VWF: variants seen among roughly 807,000 people sequenced by gnomAD.
VWF encodes Factor VIII related antigen.
Under a neutral mutation model 308.6 loss-of-function variants are expected in VWF, and 176 were observed. That is an observed-to-expected ratio of 0.57 (90% CI 0.50 to 0.65). VWF has a LOEUF of 0.65. VWF is among the 30% of genes least tolerant of loss of function. The pLI, the probability that VWF is intolerant of heterozygous loss-of-function variation, is 0.00. For missense variants in VWF, 3,146 were observed against 3,648.2 expected (o/e 0.86, Z 3.55); for synonymous variants, 1,385 against 1,443.4 (o/e 0.96, Z 0.92).
chr12:5,980,907 C>T (rs929054387), intron 42 of VWF, among the ~76,000 whole-genome samples: 1 of 152,212 alleles, frequency 6.6e-6, no homozygotes, highest in East Asian at 1.9e-4. Context: ...CCGCCACTTT[C>T]GCGCCCTTCA....
rs1944173321 is a variant in VWF, at chr12:6,024,940, T to C, written c.3222+640A>G. Among the ~76,000 whole-genome samples the C allele has an allele frequency of 6.6e-6, 1 of 151,726 alleles. No homozygotes were observed. Among genetic ancestry groups the C allele is most frequent in the Non-Finnish European group, 1.5e-5 (1 of 67,984 alleles). ...CGGGAGGTTGAGGCAGGAGAATCGC[T>C]TGAGCCCAGGAGGCAGAGGCTGCAC... On this transcript the variant is annotated intron_variant, in intron 24 of 51. Transcript: ENST00000261405. This position sits in a 1 kb window ranked among gnomAD's most constrained non-coding sequence, Gnocchi z 4.0.
rs1944067501 is a variant in VWF, at chr12:6,016,890, G to A, written c.5054-20C>T. On this transcript the variant is annotated intron_variant, in intron 28 of 51. Coordinates refer to ENST00000261405, the MANE Select transcript of VWF (RefSeq NM_000552.5). The stretch of plus-strand genomic sequence containing the variant: ...TGCAGTCTGCAAAGACAACCAGGAA[G>A]GTGAGCACACAGGTGCCAGCAGGGA... 2 of 1,612,512 alleles carry A rather than the reference G, an allele frequency of 1.2e-6. No homozygotes were observed. The highest frequency in any genetic ancestry group is 1.1e-5 in the South Asian group (1 of 91,030).
intron 6 of VWF, among the ~76,000 whole-genome samples, chr12:6,092,614 T>TGAGTGAGTGAGTGAGAGA (rs71064187): frequency 2.3e-5 from 2 of 86,056 alleles, no homozygotes; most frequent in South Asian, 3.8e-4. Flanking sequence ...AGTGAGTGAG[T>TGAGTGAGTGAGTGAGAGA]GAGAGTGTGT....
At chr12:6,091,913 A>G (rs1200582001) in intron 6 of VWF, among the ~76,000 whole-genome samples, 2 of 152,022 alleles carry the variant, frequency 1.3e-5, no homozygotes, top group Non-Finnish European at 1.5e-5. Context: ...TTAACCTCCT[A>G]TGGCTTGTTT....
Position 5,994,570 on chromosome 12 carries a change from A to T in VWF, c.6101T>A (p.Val2034Glu). The change falls in exon 36 of 52, where the codon GTG becomes GAG. Residue 2034 changes from valine (V) to glutamate (E), a missense_variant. This residue lies in a region of VWF where 989 missense variants were observed against 1,117.4 expected (regional missense o/e 0.89). Coordinates refer to ENST00000261405, the MANE Select transcript of VWF (RefSeq NM_000552.5). ...AACGTTGACTTCCATGTTCCCACCC[A>T]CGTAAGGAACAGAGACCAGTCTCCC... ...VNGRLVSVPY[V>E]GGNMEVNVYG... The T allele has an allele frequency of 6.2e-7, 1 of 1,613,954 alleles. No homozygotes were observed.
At chr12:5,992,775 C>T (rs1591847629) in intron 37 of VWF, among the ~76,000 whole-genome samples, 2 of 152,168 alleles carry the variant, frequency 1.3e-5, no homozygotes, top group African/African-American at 2.4e-5. Context: ...AGGTGATGGA[C>T]GAAGTTTCCA....
intron 47 of VWF, among the ~76,000 whole-genome samples, chr12:5,961,042 C>G (rs1021847927): frequency 2.0e-5 from 3 of 152,128 alleles, no homozygotes; most frequent in South Asian, 4.1e-4. Flanking sequence ...CAAACCCTAC[C>G]GTGAACTGCA....
chr12:6,035,185 A>C (rs137884975), intron 19 of VWF, among the ~76,000 whole-genome samples: 122 of 152,330 alleles, frequency 8.0e-4, no homozygotes, highest in Non-Finnish European at 1.5e-3. Flanking sequence ...GAGATTGGCC[A>C]CAGGGTGTCT....
chr12:5,983,472 GATAGATAC>G (rs746072337), intron 40 of VWF, among the ~76,000 whole-genome samples: 39 of 147,584 alleles, frequency 2.6e-4, no homozygotes, highest in Non-Finnish European at 2.4e-4. Context: ...TTGATAGATA[GATAGATAC>G]ATACATACAT....
At chr12:6,095,614 C>G in intron 5 of VWF, 30 bp from the exon 6 acceptor site, 1 of 1,613,970 alleles carries the variant, frequency 6.2e-7, no homozygotes, top group Non-Finnish European at 8.5e-7. Flanking sequence ...GAAAGTAATG[C>G]TTCAGTTATG....
At position 6,003,890 on chromosome 12, in the gene VWF, A is replaced by G. The variant is rs541744664; in HGVS notation, c.5843-7668T>C. ...GAGTGCAGTGGCAAGATCTCGGCTCACTACAAGCTCCACCTCCCGGGTTCA... is the reference window on the plus strand; with the variant it reads ...GAGTGCAGTGGCAAGATCTCGGCTCGCTACAAGCTCCACCTCCCGGGTTCA... On this transcript the variant is annotated intron_variant, in intron 34 of 51. Transcript: ENST00000261405. Among the ~76,000 whole-genome samples, 20 of 139,998 alleles carry G rather than the reference A, an allele frequency of 1.4e-4. 1 individual carries two copies. The South Asian group carries it at 4.4e-3, about 31-fold the overall frequency. The allele number at this position is 139,998 out of a possible 152,430, so 91.8% of individuals were successfully genotyped here. A position where few individuals can be genotyped will look rare whatever the true frequency, so the allele number is the denominator to read the frequency against.
chr12:5,964,033 C>G (rs958540993), intron 47 of VWF, among the ~76,000 whole-genome samples: 1 of 152,060 alleles, frequency 6.6e-6, no homozygotes, highest in Non-Finnish European at 1.5e-5. Context: ...CGGTGAAACC[C>G]CGTCTCTACT....
rs1364867250 is a variant in VWF, at chr12:6,063,285, G to A, written c.1433-231C>T. The stretch of plus-strand genomic sequence containing the variant: ...CCAGGAAGAAGCCTCTGCACCCCCC[G>A]CTATGACCTGCCATTCCCCCTACTG... On this transcript the variant is annotated intron_variant, in intron 12 of 51. Coordinates refer to ENST00000261405, the MANE Select transcript of VWF (RefSeq NM_000552.5). The surrounding 1 kb of genome is among the most constrained non-coding windows in gnomAD (Gnocchi z 4.9). Among the ~76,000 whole-genome samples the A allele has an allele frequency of 3.9e-5, 6 of 152,120 alleles. No homozygotes were observed. The highest frequency in any genetic ancestry group is 2.1e-4 in the South Asian group (1 of 4,824).
intron 6 of VWF, among the ~76,000 whole-genome samples, chr12:6,089,975 T>G (rs977204811): frequency 5.9e-5 from 9 of 152,148 alleles, no homozygotes; most frequent in Non-Finnish European, 1.2e-4. Context: ...TTTTTTTGTT[T>G]GAGATGGAGT....
chr12:6,100,599 G>A (rs1436531784), intron 5 of VWF, among the ~76,000 whole-genome samples: 2 of 151,986 alleles, frequency 1.3e-5, no homozygotes, highest in African/African-American at 2.4e-5. Flanking sequence ...GTAGGGACAT[G>A]GATGAAATTG....
chr12:6,100,153 C>T (rs1477637581), intron 5 of VWF, among the ~76,000 whole-genome samples: 3 of 152,028 alleles, frequency 2.0e-5, no homozygotes, highest in African/African-American at 7.3e-5. Flanking sequence ...TGCTCATCAT[C>T]ACTGGCCATC....
intron 22 of VWF, among the ~76,000 whole-genome samples, chr12:6,027,291 C>T (rs1354935136): frequency 4.6e-5 from 7 of 152,172 alleles, no homozygotes; most frequent in Admixed American, 2.6e-4. Context: ...GTGCTTGTTC[C>T]GTCTGCCTAA....
chr12:6,087,017 C>A (rs2239144), intron 6 of VWF, among the ~76,000 whole-genome samples: 26,034 of 151,994 alleles, frequency 0.17, 2,658 homozygotes, highest in East Asian at 0.45. Flanking sequence ...TAATGGAGGA[C>A]GCGAGAGAAT....
At position 6,061,262 on chromosome 12, in the gene VWF, G is replaced by A. The variant is rs187966335; in HGVS notation, c.1533+1692C>T. On this transcript the variant is annotated intron_variant, in intron 13 of 51. Transcript: ENST00000261405. ...AACGTGAAGCACCCCCTTGAAGACC[G>A]GGGTGCAGGAGGCAAGACTGGTCAG... Among the ~76,000 whole-genome samples, 771 of 150,742 alleles carry A rather than the reference G, an allele frequency of 5.1e-3. 10 individuals are homozygous for A. Among genetic ancestry groups the A allele is most frequent in the African/African-American group, 0.018 (711 of 40,184 alleles).
Sources: allele counts gnomAD v4.1 joint callset (sites outside exome capture counted in the v4.1 genomes callset), GRCh38; gene constraint gnomAD v4.1.1; regional missense constraint gnomAD v4.1.1; non-coding constraint Gnocchi (gnomAD v3.1); transcripts MANE v1.5; gene names NCBI Gene and HGNC (gene_info 2026-07-23, HGNC 2026-07-21).